Variants in ANKS6 observed in about 807,000 individuals in gnomAD.
ANKS6 encodes the protein ankyrin repeat and sterile alpha motif domain containing 6.
ANKS6 carries 47 observed loss-of-function variants against 77.9 expected under a neutral mutation model. That is an observed-to-expected ratio of 0.60 (90% confidence interval 0.48 to 0.77). The LOEUF (loss-of-function observed/expected upper bound fraction) is 0.77. ANKS6 is among the 30% of genes least tolerant of loss of function. ANKS6 has a pLI of 0.00. For synonymous variants in ANKS6, 488 were observed against 501.7 expected (o/e 0.97, Z 0.37); for missense variants, 1,150 against 1,159.1 (o/e 0.99, Z 0.11).
rs201419783 is a variant in ANKS6 at position 98,756,549 on chromosome 9, T to C, written c.2197A>G (p.Thr733Ala). ...GGGGAGGGCGTGAGGGTTGGAGAGG[T>C]GCTCTTGGAGGTAGTGGAAGTTCCA... ...PSGTSTTSKS[T>A]SPTLTPSPSP... The change falls in exon 12 of 15, where the codon ACC becomes GCC. Residue 733 changes from threonine (T) to alanine (A), a missense_variant. Physicochemically the swap from Thr to Ala is moderately conservative, Grantham distance 58. Coordinates refer to ENST00000353234, the MANE Select transcript of ANKS6 (RefSeq NM_173551.5). The C allele has an allele frequency of 7.6e-6, 12 of 1,587,642 alleles. No individual in the cohort carries two copies. The highest frequency in any genetic ancestry group is 2.7e-5 in the African/African-American group (2 of 73,488).
At chr9:98,786,341 G>A (rs1834564777) in intron 2 of ANKS6, among the ~76,000 whole-genome samples, 1 of 149,296 alleles carries the variant, frequency 6.7e-6, no homozygotes, top group South Asian at 2.1e-4. Context: ...TCCCAGGCTA[G>A]AGGGCAGTGG....
At chr9:98,760,397 CTACCCTCT>C (rs1454797461) in intron 11 of ANKS6, among the ~76,000 whole-genome samples, 4 of 150,786 alleles carry the variant, frequency 2.7e-5, no homozygotes, top group Admixed American at 6.6e-5. Context: ...CCCTCTAATC[CTACCCTCT>C]AATCCTGCCC....
intron 1 of ANKS6, 120 bp from the exon 2 acceptor site, chr9:98,790,726 T>A: frequency 7.3e-7 from 1 of 1,367,976 alleles, no homozygotes; most frequent in Non-Finnish European, 9.9e-7. Flanking sequence ...GAGGTCTTAT[T>A]CTGGCGCCAG....
chr9:98,768,983 T>C (rs1216093708), intron 10 of ANKS6, among the ~76,000 whole-genome samples: 1 of 151,764 alleles, frequency 6.6e-6, no homozygotes, highest in Admixed American at 6.6e-5. Context: ...AAAAATTAGC[T>C]GGGTGTGGTG....
intron 14 of ANKS6, among the ~76,000 whole-genome samples, chr9:98,739,989 T>C (rs1831734859): frequency 6.6e-6 from 1 of 152,026 alleles, no homozygotes; most frequent in Admixed American, 6.6e-5. Context: ...TCTCCTGACC[T>C]CGTGATCCGC....
intron 11 of ANKS6, among the ~76,000 whole-genome samples, chr9:98,765,000 C>T (rs1833193642): frequency 6.6e-6 from 1 of 152,184 alleles, no homozygotes; most frequent in South Asian, 2.1e-4. Flanking sequence ...ATATATCTTT[C>T]TTCCTACTAA....
chr9:98,778,809 G>A (rs750379128), intron 6 of ANKS6, among the ~76,000 whole-genome samples: 52 of 152,176 alleles, frequency 3.4e-4, no homozygotes, highest in African/African-American at 1.1e-3. Flanking sequence ...ATTCCTAAGC[G>A]TCTACAATAG....
In ANKS6 at chr9:98,774,011, G is replaced by A. The variant is rs761241274; in HGVS notation, c.1687C>T (p.Pro563Ser). The change falls in exon 9 of 15, where the codon CCC becomes TCC. Residue 563 changes from proline (P) to serine (S), a missense_variant. Physicochemically the swap from Pro to Ser is moderately conservative, Grantham distance 74 (BLOSUM62 -1). Coordinates refer to ENST00000353234, the MANE Select transcript of ANKS6 (RefSeq NM_173551.5). ...KLKAVIPPFLPPSSFELWSSD... is the reference protein window; with the variant it reads ...KLKAVIPPFLSPSSFELWSSD... The stretch of plus-strand genomic sequence containing the variant: ...CTCCACAGCTCAAAACTGGAAGGGG[G>A]TAGGAATGGGGGGATGACTGCTTTC... The A allele has an allele frequency of 6.3e-7, 1 of 1,578,264 alleles. No individual in the cohort carries two copies. The highest frequency in any genetic ancestry group is 8.6e-7 in the Non-Finnish European group (1 of 1,163,308).
Position 98,736,269 on chromosome 9 carries a change from T to G in ANKS6, c.*250A>C. On this transcript the variant is annotated 3_prime_UTR_variant, in exon 15 of 15. Coordinates refer to ENST00000353234, the MANE Select transcript of ANKS6 (RefSeq NM_173551.5). ...GAAAGGAGCTGAGTCCCTGCATCAC[T>G]GTGTGAACCAACCTGCCAAGCAGAA... 7.5e-7 allele frequency: 1 copy of G among 1,338,428 alleles called. No individual in the cohort carries two copies. Among genetic ancestry groups the G allele is most frequent in the Admixed American group, 3.5e-5 (1 of 28,874 alleles). 82.9% of individuals were successfully genotyped at this position (1,338,428 alleles called of 1,614,324 possible).
In ANKS6 at chr9:98,784,764, A is replaced by C. The variant is rs1040421003; in HGVS notation, c.907+68T>G. On this transcript the variant is annotated intron_variant, in intron 3 of 14. Transcript: ENST00000353234. ...CCTGGGTGGCCCTGCAAAGGACTACAAATATTAGGTTGGGAGAATGTAGCC... is the reference window on the plus strand; with the variant it reads ...CCTGGGTGGCCCTGCAAAGGACTACCAATATTAGGTTGGGAGAATGTAGCC... 1.3e-5 allele frequency: 19 copies of C among 1,458,174 alleles called. No homozygotes were observed. In the African/African-American group the frequency reaches 2.4e-4, roughly 18 times the overall value. 90.3% of individuals were successfully genotyped at this position (1,458,174 alleles called of 1,614,324 possible). A position where few individuals can be genotyped will look rare whatever the true frequency, so the allele number is the denominator to read the frequency against.
chr9:98,736,617 C>T lies in ANKS6; in HGVS notation c.2518G>A (p.Glu840Lys), dbSNP rs369609185. 14 of 1,608,466 alleles carry T rather than the reference C, an allele frequency of 8.7e-6. No individual in the cohort carries two copies. The highest frequency in any genetic ancestry group is 1.7e-5 in the Admixed American group (1 of 59,290). ...ISELNAGKGRERQILQETIHN... is the reference protein window; with the variant it reads ...ISELNAGKGRKRQILQETIHN... ...ATGGTTTCCTGTAAAATTTGTCTCT[C>T]GCGTCCCTGTGGAGGAAATTGAAAA... Residue 840 changes from glutamate (E) to lysine (K), a missense_variant, in exon 15 of 15, where the codon GAG (glutamate) becomes AAG (lysine). Transcript: ENST00000353234.
At chr9:98,744,956 G>A (rs1832039162) in intron 14 of ANKS6, among the ~76,000 whole-genome samples, 1 of 152,152 alleles carries the variant, frequency 6.6e-6, no homozygotes, top group South Asian at 2.1e-4. Flanking sequence ...CTTGCAAAGT[G>A]AGTGGGGATT....
At chr9:98,786,420 C>G (rs1374600285) in intron 2 of ANKS6, among the ~76,000 whole-genome samples, 6 of 151,404 alleles carry the variant, frequency 4.0e-5, no homozygotes, top group African/African-American at 1.5e-4. Flanking sequence ...GCTTCCAGAA[C>G]AGCTGGGATT....
intron 9 of ANKS6, among the ~76,000 whole-genome samples, chr9:98,771,774 T>C (rs1833647291): frequency 6.6e-6 from 1 of 152,120 alleles, no homozygotes; most frequent in Non-Finnish European, 1.5e-5. Context: ...AGGCCTTCAC[T>C]GCCTAAGCGG....
In ANKS6 at chr9:98,770,943, C is replaced by A; in HGVS notation, c.1925G>T (p.Ser642Ile). Reference protein sequence around the residue: ...NHSPHSSGGSSGVGVSRHGGE... With the variant: ...NHSPHSSGGSIGVGVSRHGGE... ...ACCGTGCCGGCTCACACCTACCCCA[C>A]TGGAGCCGCCCGATGAATGAGGCGA... The change falls in exon 10 of 15, where the codon AGT becomes ATT. Residue 642 changes from serine (S) to isoleucine (I), a missense_variant. Physicochemically the swap from Ser to Ile is moderately radical, Grantham distance 142 (BLOSUM62 -2). Transcript: ENST00000353234. 6.3e-7 allele frequency: 1 copy of A among 1,593,218 alleles called. No homozygotes were observed. Among genetic ancestry groups the A allele is most frequent in the Non-Finnish European group, 8.5e-7 (1 of 1,169,626 alleles).
chr9:98,787,912 T>C (rs1834663838), intron 2 of ANKS6, among the ~76,000 whole-genome samples: 1 of 152,210 alleles, frequency 6.6e-6, no homozygotes, highest in African/African-American at 2.4e-5. Flanking sequence ...AGTAATCCAC[T>C]TCCCATGTGC....
chr9:98,756,412 G>A lies in ANKS6; in HGVS notation c.2326+8C>T, dbSNP rs749947388. Reference sequence around the variant, plus strand: ...ATAGGTGGGGTTTCAGGCCCTCAGGGGACTCACCCTCATCTGTGATGGTGC... The same window carrying A: ...ATAGGTGGGGTTTCAGGCCCTCAGGAGACTCACCCTCATCTGTGATGGTGC... On this transcript the variant is annotated splice_region_variant and intron_variant, in intron 12 of 14. Transcript: ENST00000353234. 1.1e-5 allele frequency: 17 copies of A among 1,611,374 alleles called. No individual in the cohort carries two copies. The highest frequency in any genetic ancestry group is 8.8e-5 in the South Asian group (8 of 90,820).
In ANKS6 at chr9:98,790,584, G is replaced by T. The variant is rs202068734; in HGVS notation, c.382C>A (p.His128Asn). 26 of 1,603,998 alleles carry T rather than the reference G, an allele frequency of 1.6e-5. No homozygotes were observed. The African/African-American group carries it at 2.4e-4, about 15-fold the overall frequency. Residue 128 changes from histidine (H) to asparagine (N), a missense_variant, in exon 2 of 15, where the codon CAC becomes AAC. Coordinates refer to ENST00000353234, the MANE Select transcript of ANKS6 (RefSeq NM_173551.5). ...TCAGCCCCGTGATCCAACAGGAGGT[G>T]TGCCACACTCACATGCCCAAATCTG... is the stretch of plus-strand genomic sequence containing the variant. ...AARFGHVSVA[H>N]LLLDHGADVN...
intron 5 of ANKS6, among the ~76,000 whole-genome samples, chr9:98,781,874 A>C (rs1256010112): frequency 1.3e-5 from 2 of 152,106 alleles, no homozygotes; most frequent in Non-Finnish European, 2.9e-5. Flanking sequence ...GTTGATAAGA[A>C]AGACGACAGA....
Sources: gnomAD v4.1 joint callset for allele counts (sites outside exome capture counted in the v4.1 genomes callset) on GRCh38, gnomAD v4.1.1 for gene constraint, MANE v1.5 for transcripts, NCBI Gene and HGNC (gene_info 2026-07-23, HGNC 2026-07-21) for gene names.